A1BG: variants seen among roughly 807,000 people sequenced by gnomAD.
The protein encoded by A1BG is alpha-1B-glycoprotein.
In A1BG, 44 loss-of-function variants were observed where a neutral mutation model predicts 46.0. The ratio of observed to expected loss-of-function variants is 0.96; its 90% CI spans 0.75 to 1.23. The LOEUF is 1.23. Among genes scored for constraint, A1BG ranks in the 50% most tolerant of loss-of-function variants. A1BG has a pLI of 0.00. For missense variants in A1BG, 707 were observed against 688.8 expected (o/e 1.03, Z -0.30); for synonymous variants, 316 against 314.7 (o/e 1.00, Z -0.04).
At chr19:58,350,255 G>T in intron 6 of A1BG, 115 bp downstream of exon 6, 2 of 1,323,412 alleles carry the variant, frequency 1.5e-6, no homozygotes, top group Non-Finnish European at 2.0e-6. Context: ...GGCGATGGGG[G>T]CTGAACCAAG....
intron 5 of A1BG, 70 bp downstream of exon 5, chr19:58,351,319 ACT>A: frequency 6.4e-7 from 1 of 1,561,478 alleles, no homozygotes; most frequent in Non-Finnish European, 8.7e-7. Flanking sequence ...ACTTCCCCAG[ACT>A]CTACACCTGG....
chr19:58,347,049 A>G lies in A1BG; in HGVS notation c.1481-20T>C, dbSNP rs370242476. The G allele has an allele frequency of 8.9e-5, 144 of 1,613,984 alleles. No individual in the cohort carries two copies. In the African/African-American group the frequency reaches 1.7e-3, roughly 19 times the overall value. On this transcript the variant is annotated intron_variant, in intron 7 of 7. Coordinates refer to ENST00000263100, the MANE Select transcript of A1BG (RefSeq NM_130786.4). ...AGCTTTCTAGACAACGGGAGAAAAG[A>G]GAAATGGTGGAGGAGGGGAAATCCT...
intron 7 of A1BG, 113 bp from the exon 8 acceptor site, chr19:58,347,142 G>A: frequency 3.0e-5 from 43 of 1,444,736 alleles, no homozygotes; most frequent in East Asian, 4.8e-5. Flanking sequence ...GCGCGTGGTC[G>A]GCTGCCAGCC....
chr19:58,350,102 G>A (rs2147999679), intron 6 of A1BG: 1 of 471,814 alleles, frequency 2.1e-6, no homozygotes, highest in Non-Finnish European at 3.7e-6. Context: ...GCAGGGATCT[G>A]AACAAGAAAA....
Position 58,351,397 on chromosome 19 carries a change from T to C in A1BG, c.904A>G (p.Ser302Gly). 7.5e-6 allele frequency: 12 copies of C among 1,610,296 alleles called. No individual in the cohort carries two copies. Among genetic ancestry groups the C allele is most frequent in the Non-Finnish European group, 1.0e-5 (12 of 1,179,832 alleles). Residue 302 changes from serine to glycine, a missense_variant, in exon 5 of 8, where the codon AGC (serine) becomes GGC (glycine). Transcript: ENST00000263100. Reference sequence around the variant, plus strand: ...CCTGCTGGCCCCGGCTCACCATCGCTCAGAATCAGCTCGACCGGCGCGCTG... The same window carrying C: ...CCTGCTGGCCCCGGCTCACCATCGCCCAGAATCAGCTCGACCGGCGCGCTG... ...GDSAPVELIL[S>G]DETLPAPEFS...
intron 6 of A1BG, 31 bp downstream of exon 6, chr19:58,350,339 G>A: frequency 6.6e-7 from 1 of 1,521,078 alleles, no homozygotes; most frequent in Non-Finnish European, 8.8e-7. Context: ...CTGAACCCGC[G>A]CCCGCCCTCG....
At position 58,350,443 on chromosome 19, in the gene A1BG, G is replaced by C; in HGVS notation, c.1119C>G (p.Ser373Arg). ...GCGGCTTCAGGTCCACGTAGACGCAGCTGTAGTTGGCGGAGTCAGCCACGG... is the reference window on the plus strand; with the variant it reads ...GCGGCTTCAGGTCCACGTAGACGCACCTGTAGTTGGCGGAGTCAGCCACGG... ...NISVADSANYSCVYVDLKPPF... is the reference protein window; with the variant it reads ...NISVADSANYRCVYVDLKPPF... Residue 373 changes from serine to arginine, a missense_variant, in exon 6 of 8, where the codon AGC becomes AGG. Transcript: ENST00000263100. 1.3e-6 allele frequency: 2 copies of C among 1,552,788 alleles called. No homozygotes were observed. Among genetic ancestry groups the C allele is most frequent in the African/African-American group, 1.4e-5 (1 of 73,294 alleles).
At position 58,347,419 on chromosome 19, in the gene A1BG, A is replaced by G; in HGVS notation, c.1414T>C (p.Tyr472His). 6.2e-7 allele frequency: 1 copy of G among 1,611,598 alleles called. No homozygotes were observed. The highest frequency in any genetic ancestry group is 1.7e-5 in the Admixed American group (1 of 59,934). The stretch of plus-strand genomic sequence containing the variant: ...AAGGTGTGGGGCACCCAGGAGCGGT[A>G]GCGGCACCTGTAGTTGCCGGCGTGC... Reference protein sequence around the residue: ...PQHAGNYRCRYRSWVPHTFES... With the variant: ...PQHAGNYRCRHRSWVPHTFES... Residue 472 changes from tyrosine to histidine, a missense_variant, in exon 7 of 8, where the codon TAC (tyrosine) becomes CAC (histidine). By Grantham distance (83) the Tyr-to-His change is moderately conservative (BLOSUM62 2). Coordinates refer to ENST00000263100, the MANE Select transcript of A1BG (RefSeq NM_130786.4).
chr19:58,352,679 A>AAGGC (rs1044367025), intron 3 of A1BG, 124 bp from the exon 4 acceptor site: 2 of 1,338,558 alleles, frequency 1.5e-6, no homozygotes, highest in South Asian at 2.8e-5. Flanking sequence ...TTGCTGGGAA[A>AAGGC]AGGCAGGCAG....
rs770622370 is a variant in A1BG at position 58,352,455 on chromosome 19, A to G, written c.441T>C (p.Thr147=). The G allele has an allele frequency of 1.9e-4, 299 of 1,613,528 alleles. No homozygotes were observed. Among genetic ancestry groups the G allele is most frequent in the Non-Finnish European group, 2.5e-4 (293 of 1,179,986 alleles). ...GGTCGCCCTCCCGCCTCAGCAGAAA[A>G]GTCACACCCCGCAGCACACCTCGGC... ...AVCRGVLRGV[T]FLLRREGDHE... is the part of the protein sequence containing the mutation. The change falls in exon 4 of 8, where the codon ACT becomes ACC. Residue 147 remains threonine (T), a synonymous_variant. Coordinates refer to ENST00000263100, the MANE Select transcript of A1BG (RefSeq NM_130786.4).
At chr19:58,351,929 G>GA (rs1409470152) in intron 4 of A1BG, 2 of 704,258 alleles carry the variant, frequency 2.8e-6, no homozygotes, top group African/African-American at 1.8e-5. Context: ...CTGAGTAGCT[G>GA]GTACTACAGG....
chr19:58,351,275 A>G lies in A1BG; in HGVS notation c.910+116T>C, dbSNP rs2148000455. On this transcript the variant is annotated intron_variant, in intron 5 of 7. Coordinates refer to ENST00000263100, the MANE Select transcript of A1BG (RefSeq NM_130786.4). Reference sequence around the variant, plus strand: ...ACCCTGAATCGGCGGGTGGGCGGATAAAGTTGGTATTGGACCCTGGCCCAG... The same window carrying G: ...ACCCTGAATCGGCGGGTGGGCGGATGAAGTTGGTATTGGACCCTGGCCCAG... 2.3e-6 allele frequency: 3 copies of G among 1,309,918 alleles called. No individual in the cohort carries two copies. The South Asian group carries it at 4.0e-5, about 18-fold the overall frequency. 81.1% of individuals were successfully genotyped at this position (1,309,918 alleles called of 1,614,324 possible). A position where few individuals can be genotyped will look rare whatever the true frequency, so the allele number is the denominator to read the frequency against.
In A1BG at chr19:58,347,563, C is replaced by T; in HGVS notation, c.1270G>A (p.Glu424Lys). The part of the protein sequence containing the change: ...LAGRDAVLRC[E>K]GPIPDVTFEL... The stretch of plus-strand genomic sequence containing the variant: ...AAGGTGACGTCGGGGATGGGTCCCT[C>T]GCAGCGCAGGACGGCATCTCGGCCC... The change falls in exon 7 of 8, where the codon GAG becomes AAG. Residue 424 changes from glutamate (E) to lysine (K), a missense_variant. Glu to Lys is a moderately conservative substitution (Grantham distance 56). Coordinates refer to ENST00000263100, the MANE Select transcript of A1BG (RefSeq NM_130786.4). The T allele has an allele frequency of 6.4e-7, 1 of 1,554,066 alleles. No homozygotes were observed. Among genetic ancestry groups the T allele is most frequent in the Non-Finnish European group, 8.7e-7 (1 of 1,154,644 alleles).
At chr19:58,352,218 G>A in intron 4 of A1BG, 65 bp downstream of exon 4, 1 of 1,578,748 alleles carries the variant, frequency 6.3e-7, no homozygotes, top group Non-Finnish European at 8.6e-7. Flanking sequence ...AGGTCAGGAT[G>A]AATGTGGTCA....
In A1BG at chr19:58,347,035, C is replaced by A. The variant is rs372964699; in HGVS notation, c.1481-6G>T. The A allele has an allele frequency of 4.3e-6, 7 of 1,614,084 alleles. No individual in the cohort carries two copies. The highest frequency in any genetic ancestry group is 5.9e-6 in the Non-Finnish European group (7 of 1,179,974). On this transcript the variant is annotated splice_polypyrimidine_tract_variant and splice_region_variant and intron_variant, in intron 7 of 7. Transcript: ENST00000263100. ...CCCGCGGCTGCATCAGCTTTCTAGACAACGGGAGAAAAGAGAAATGGTGGA... is the reference window on the plus strand; with the variant it reads ...CCCGCGGCTGCATCAGCTTTCTAGAAAACGGGAGAAAAGAGAAATGGTGGA...
At position 58,346,981 on chromosome 19, in the gene A1BG, A is replaced by G. The variant is rs772558287; in HGVS notation, c.*41T>C. The G allele has an allele frequency of 1.2e-6, 2 of 1,613,288 alleles. No homozygotes were observed. The highest frequency in any genetic ancestry group is 1.7e-6 in the Non-Finnish European group (2 of 1,179,312). On this transcript the variant is annotated 3_prime_UTR_variant, in exon 8 of 8. Coordinates refer to ENST00000263100, the MANE Select transcript of A1BG (RefSeq NM_130786.4). ...AGGGAGCCAGTCCAGAATCCCCGGC[A>G]CTTCTGAGGACACCAACAGCACCCT...
chr19:58,350,627 G>A lies in A1BG; in HGVS notation c.935C>T (p.Ser312Phe), dbSNP rs1341746651. Residue 312 changes from serine to phenylalanine, a missense_variant, in exon 6 of 8, where the codon TCC becomes TTC. Physicochemically the swap from Ser to Phe is radical, Grantham distance 155. Transcript: ENST00000263100. The stretch of plus-strand genomic sequence containing the variant: ...GGCCCTGCCGGACTCCGGCTCCGGG[G>A]AGAACTCCGGCGCGGGCAGCGTCTC... ...SDETLPAPEF[S>F]PEPESGRALR... 7.7e-6 allele frequency: 11 copies of A among 1,427,930 alleles called. No homozygotes were observed. Among genetic ancestry groups the A allele is most frequent in the Non-Finnish European group, 8.2e-6 (9 of 1,094,962 alleles). 88.5% of individuals were successfully genotyped at this position (1,427,930 alleles called of 1,614,324 possible).
rs567687133 is a variant in A1BG at position 58,350,137 on chromosome 19, G to A, written c.1192+233C>T. ...ACCTGGGGCCAGCCTCCCTGCTGCCGACCACCACGCTACACGTGACCTACG... is the reference window on the plus strand; with the variant it reads ...ACCTGGGGCCAGCCTCCCTGCTGCCAACCACCACGCTACACGTGACCTACG... On this transcript the variant is annotated intron_variant, in intron 6 of 7. Transcript: ENST00000263100. 2.3e-5 allele frequency: 12 copies of A among 518,244 alleles called. No homozygotes were observed. The East Asian group carries it at 3.0e-4, about 13-fold the overall frequency. 32.1% of individuals were successfully genotyped at this position (518,244 alleles called of 1,614,324 possible). A position where few individuals can be genotyped will look rare whatever the true frequency, so the allele number is the denominator to read the frequency against.
intron 6 of A1BG, 67 bp downstream of exon 6, chr19:58,350,303 G>A (rs1316555834): frequency 2.5e-5 from 37 of 1,466,442 alleles, no homozygotes; most frequent in Non-Finnish European, 3.1e-5. Context: ...AGGAAAGAGG[G>A]GAAAGACAGG....
Sources: gnomAD v4.1 joint callset for allele counts on GRCh38, gnomAD v4.1.1 for gene constraint, MANE v1.5 for transcripts, NCBI Gene and HGNC (gene_info 2026-07-23, HGNC 2026-07-21) for gene names.